The following NUDT1 variants were observed in gnomAD, a reference collection of about 807,000 sequenced individuals.
NUDT1 encodes the protein nudix hydrolase 1, also known as oxidized purine nucleoside triphosphate hydrolase.
A neutral mutation model predicts 11.3 loss-of-function variants in NUDT1; 16 were observed. The ratio of observed to expected loss-of-function variants is 1.41; its 90% confidence interval spans 0.96 to 2.15. NUDT1 has a LOEUF of 2.15. Among genes scored for constraint, NUDT1 ranks in the 30% most tolerant of loss-of-function variants. The pLI, the probability that NUDT1 is intolerant of heterozygous loss-of-function variation, is 0.00. For synonymous variants in NUDT1, 101 were observed against 84.4 expected (o/e 1.20, Z -1.08); for missense variants, 234 against 208.4 (o/e 1.12, Z -0.76).
chr7:2,250,786 T>C, intron 3 of NUDT1, 43 bp from the exon 4 acceptor site: 2 of 1,612,878 alleles, frequency 1.2e-6, no homozygotes, highest in Non-Finnish European at 1.7e-6. Context: ...AAGCATGAAG[T>C]TTGGGTTGCA....
chr7:2,244,897 C>T (rs10264867), intron 2 of NUDT1, among the ~76,000 whole-genome samples, 171 bp downstream of exon 2: 5,600 of 152,300 alleles, frequency 0.037, 361 homozygotes, highest in African/African-American at 0.13. Context: ...CGCAGCCCTT[C>T]GGACTCTTGT....
intron 2 of NUDT1, among the ~76,000 whole-genome samples, chr7:2,247,705 G>A (rs1397229646): frequency 6.6e-6 from 1 of 152,228 alleles, no homozygotes; most frequent in Non-Finnish European, 1.5e-5. Flanking sequence ...CGTCATCTTC[G>A]CCTGCCTGGC....
At chr7:2,247,319 C>T (rs1017953730) in intron 2 of NUDT1, among the ~76,000 whole-genome samples, 22 of 152,252 alleles carry the variant, frequency 1.4e-4, no homozygotes, top group African/African-American at 5.1e-4. Context: ...GGCACCCTCC[C>T]CGCTTGCCTG....
intron 2 of NUDT1, among the ~76,000 whole-genome samples, chr7:2,246,538 G>C (rs967872602): frequency 5.3e-5 from 8 of 152,344 alleles, no homozygotes; most frequent in Admixed American, 2.6e-4. Context: ...AACTCCAGGT[G>C]GCTGGATTTC....
chr7:2,247,161 G>A (rs986518825), intron 2 of NUDT1, among the ~76,000 whole-genome samples: 8 of 152,200 alleles, frequency 5.3e-5, no homozygotes, highest in African/African-American at 1.7e-4. Flanking sequence ...CCCCAGGCCC[G>A]TGCTGCTCAG....
chr7:2,251,132 G>T lies in NUDT1; in HGVS notation c.*131G>T. The T allele has an allele frequency of 2.3e-6, 2 of 855,642 alleles. No homozygotes were observed. The highest frequency in any genetic ancestry group is 1.9e-6 in the Non-Finnish European group (1 of 537,270). The allele number at this position is 855,642 out of a possible 1,614,324, so 53.0% of individuals were successfully genotyped here. A position where few individuals can be genotyped will look rare whatever the true frequency, so the allele number is the denominator to read the frequency against. On this transcript the variant is annotated 3_prime_UTR_variant, in exon 4 of 4. Transcript: ENST00000356714. ...TTAACTGGATGGAAGGGAAAATAAA[G>T]CTATCTAGCGGTGGTTTTTTTTTTT...
At chr7:2,249,445 G>A (rs963267253) in intron 2 of NUDT1, 3 of 264,332 alleles carry the variant, frequency 1.1e-5, no homozygotes, top group Middle Eastern at 1.3e-3. Flanking sequence ...ATGCTCAGCC[G>A]CGGAAAAGCA....
At chr7:2,242,839 C>G in intron 1 of NUDT1, 1 of 666,080 alleles carries the variant, frequency 1.5e-6, no homozygotes, top group Non-Finnish European at 2.7e-6. Context: ...GGTGCTCTTT[C>G]AGTTTAGCCT....
rs1012398374 is a variant in NUDT1 at position 2,251,110 on chromosome 7, A to G, written c.*109A>G. 4.4e-6 allele frequency: 5 copies of G among 1,131,746 alleles called. No homozygotes were observed. The highest frequency in any genetic ancestry group is 1.7e-5 in the Admixed American group (1 of 57,262). The allele number at this position is 1,131,746 out of a possible 1,614,324, so 70.1% of individuals were successfully genotyped here. A position where few individuals can be genotyped will look rare whatever the true frequency, so the allele number is the denominator to read the frequency against. On this transcript the variant is annotated 3_prime_UTR_variant, in exon 4 of 4. Coordinates refer to ENST00000356714, the MANE Select transcript of NUDT1 (RefSeq NM_002452.4). ...CAGAGCCGGGTTTCATCTGGAATTAACTGGATGGAAGGGAAAATAAAGCTA... is the reference window on the plus strand; with the variant it reads ...CAGAGCCGGGTTTCATCTGGAATTAGCTGGATGGAAGGGAAAATAAAGCTA...
intron 1 of NUDT1, 121 bp from the exon 2 acceptor site, chr7:2,244,442 G>A: frequency 1.0e-6 from 1 of 993,498 alleles, no homozygotes; most frequent in Non-Finnish European, 1.5e-6. Context: ...GGGCTGGGGA[G>A]TTACAGCATA....
chr7:2,244,447 A>C, intron 1 of NUDT1, 116 bp from the exon 2 acceptor site: 1 of 955,888 alleles, frequency 1.0e-6, no homozygotes. Flanking sequence ...GGGGAGTTAC[A>C]GCATACCCCC....
rs34988901 is a variant in NUDT1, at chr7:2,250,749, C to A, written c.299-80C>A. 2.6e-6 allele frequency: 4 copies of A among 1,534,630 alleles called. No individual in the cohort carries two copies. The African/African-American group carries it at 4.1e-5, about 16-fold the overall frequency. ...CTGGGATTACAGGCGTGAGCCACCG[C>A]GCCCGGCCAAAAAAAACATGTTTTT... On this transcript the variant is annotated intron_variant, in intron 3 of 3. Coordinates refer to ENST00000356714, the MANE Select transcript of NUDT1 (RefSeq NM_002452.4).
intron 1 of NUDT1, among the ~76,000 whole-genome samples, chr7:2,243,204 AT>A (rs929984782): frequency 2.0e-5 from 3 of 152,106 alleles, no homozygotes; most frequent in Non-Finnish European, 4.4e-5. Flanking sequence ...TCTGCCCACT[AT>A]AAAAAACCAC....
chr7:2,249,765 G>A (rs1794903345), intron 2 of NUDT1, 92 bp from the exon 3 acceptor site: 12 of 1,543,558 alleles, frequency 7.8e-6, no homozygotes, highest in Non-Finnish European at 9.7e-6. Flanking sequence ...TCCCTGGGCT[G>A]TGTGTAGATG....
intron 3 of NUDT1, among the ~76,000 whole-genome samples, chr7:2,250,415 C>T (rs1455283389): frequency 6.6e-6 from 1 of 151,728 alleles, no homozygotes; most frequent in East Asian, 1.9e-4. Context: ...GTCTGGGCAA[C>T]ACAGTGAGAC....
chr7:2,245,790 G>A (rs1326354113), intron 2 of NUDT1, among the ~76,000 whole-genome samples: 1 of 151,492 alleles, frequency 6.6e-6, no homozygotes, highest in Admixed American at 6.6e-5. Flanking sequence ...CTCCCTCCCG[G>A]GCCTCCCAGA....
intron 2 of NUDT1, 108 bp from the exon 3 acceptor site, chr7:2,249,748 TG>T: frequency 2.1e-6 from 3 of 1,428,658 alleles, no homozygotes; most frequent in Non-Finnish European, 2.9e-6. Context: ...CCATCCACCC[TG>T]GTGGCTCCCT....
intron 2 of NUDT1, among the ~76,000 whole-genome samples, chr7:2,246,280 G>A (rs531701726): frequency 5.3e-5 from 8 of 152,300 alleles, no homozygotes; most frequent in South Asian, 2.1e-4. Flanking sequence ...TCTGGCTGCC[G>A]GGTTCAGGAG....
chr7:2,246,229 A>T (rs914128775), intron 2 of NUDT1, among the ~76,000 whole-genome samples: 2 of 152,150 alleles, frequency 1.3e-5, no homozygotes, highest in Non-Finnish European at 2.9e-5. Context: ...GGACATGAGG[A>T]GGAACAGGTC....
Sources: allele counts gnomAD v4.1 joint callset (sites outside exome capture counted in the v4.1 genomes callset), GRCh38; gene constraint gnomAD v4.1.1; transcripts MANE v1.5; gene names NCBI Gene and HGNC (gene_info 2026-07-23, HGNC 2026-07-21).